The following MERTK variants were observed in gnomAD, a reference collection of about 807,000 sequenced individuals.
MERTK encodes the protein tyrosine-protein kinase Mer.
A neutral mutation model predicts 99.3 loss-of-function variants in MERTK; 69 were observed. The observed-to-expected ratio is 0.70, with a 90% confidence interval of 0.57 to 0.85. The LOEUF is 0.85. MERTK is among the 40% of genes least tolerant of loss of function. The probability of loss-of-function intolerance (pLI) is 0.00; values close to 1 mark genes in which losing one functional copy is unlikely to be tolerated. For missense variants in MERTK, 1,125 were observed against 1,249.4 expected (o/e 0.90, Z 1.50); for synonymous variants, 426 against 467.6 (o/e 0.91, Z 1.15).
intron 18 of MERTK, among the ~76,000 whole-genome samples, chr2:112,023,248 G>A (rs10203902): frequency 0.11 from 16,056 of 151,856 alleles, 1,059 homozygotes; most frequent in African/African-American, 0.19. Flanking sequence ...CCCCGTCTCC[G>A]CTAAAAATAC....
intron 1 of MERTK, among the ~76,000 whole-genome samples, chr2:111,926,335 A>G (rs1684567116): frequency 6.6e-6 from 1 of 152,174 alleles, no homozygotes; most frequent in South Asian, 2.1e-4. Context: ...TTTGGATTAA[A>G]CCCCTAACTC....
intron 2 of MERTK, chr2:111,940,836 A>G: frequency 1.1e-6 from 1 of 925,106 alleles, no homozygotes; most frequent in African/African-American, 1.6e-5. Flanking sequence ...AACGACAGTT[A>G]ACATCTCTGA....
At chr2:111,981,648 A>G (rs1271659782) in intron 7 of MERTK, among the ~76,000 whole-genome samples, 1 of 152,216 alleles carries the variant, frequency 6.6e-6, no homozygotes, top group Admixed American at 6.5e-5. Context: ...TTCAATTTTA[A>G]TAGATATAGT....
intron 1 of MERTK, among the ~76,000 whole-genome samples, chr2:111,910,500 C>A (rs1259132185): frequency 2.0e-5 from 3 of 151,766 alleles, no homozygotes; most frequent in Admixed American, 6.6e-5. Context: ...GAACTCCTGA[C>A]CTCAGGTGAT....
Position 111,898,714 on chromosome 2 carries a change from AT to A in MERTK, c.-20del. 1 of 1,604,382 alleles carries A rather than the reference AT, an allele frequency of 6.2e-7. No homozygotes were observed. On this transcript the variant is annotated 5_prime_UTR_variant, in exon 1 of 19. Transcript: ENST00000295408. ...CATCTGTCCATCCGTCCGGAGAGAA[AT>A]TACAGATCCGCAGCCCCGGGATGGG... is the stretch of plus-strand genomic sequence containing the variant.
chr2:111,965,304 G>A (rs758236553), intron 5 of MERTK, 27 bp downstream of exon 5: 2 of 1,605,646 alleles, frequency 1.2e-6, no homozygotes, highest in Non-Finnish European at 1.7e-6. Flanking sequence ...GGCTCCCCAT[G>A]CATGTTCTGG....
At chr2:111,947,144 G>A (rs1168651681) in intron 3 of MERTK, among the ~76,000 whole-genome samples, 1 of 152,054 alleles carries the variant, frequency 6.6e-6, no homozygotes, top group East Asian at 1.9e-4. Flanking sequence ...CTGGTGGTGT[G>A]CGCCTGTAAT....
Position 112,029,393 on chromosome 2 carries a change from TGAAAGACAG to T in MERTK, c.*530_*538del. ...GGATATGTTGAACTTACTTGAGACT[TGAAAGACAG>T]TGGTCGGCAGCGGCCTTGTGGCCTT... is the stretch of plus-strand genomic sequence containing the variant. On this transcript the variant is annotated 3_prime_UTR_variant, in exon 19 of 19. Transcript: ENST00000295408. The T allele has an allele frequency of 1.1e-6, 1 of 919,946 alleles. No individual in the cohort carries two copies. Among genetic ancestry groups the T allele is most frequent in the Admixed American group, 6.1e-5 (1 of 16,368 alleles). The allele number at this position is 919,946 out of a possible 1,614,324, so 57.0% of individuals were successfully genotyped here.
chr2:111,944,838 C>T lies in MERTK; in HGVS notation c.483-122C>T, dbSNP rs1684935971. 4.8e-6 allele frequency: 4 copies of T among 840,118 alleles called. No individual in the cohort carries two copies. In the Admixed American group the frequency reaches 8.0e-5, roughly 17 times the overall value. The allele number at this position is 840,118 out of a possible 1,614,324, so 52.0% of individuals were successfully genotyped here. Reference sequence around the variant, plus strand: ...CAAACAACTGCGTACAATGGCCTAGCCAAGCTGACATATAAAATTAACTAT... The same window carrying T: ...CAAACAACTGCGTACAATGGCCTAGTCAAGCTGACATATAAAATTAACTAT... On this transcript the variant is annotated intron_variant, in intron 2 of 18. Coordinates refer to ENST00000295408, the MANE Select transcript of MERTK (RefSeq NM_006343.3).
intron 8 of MERTK, among the ~76,000 whole-genome samples, chr2:111,992,669 T>A (rs924534527): frequency 6.7e-6 from 1 of 150,254 alleles, no homozygotes; most frequent in Non-Finnish European, 1.5e-5. Flanking sequence ...GAGAATTGCT[T>A]GAACCTGGGA....
intron 1 of MERTK, among the ~76,000 whole-genome samples, chr2:111,910,752 A>G (rs1413965822): frequency 1.3e-5 from 2 of 152,158 alleles, no homozygotes; most frequent in African/African-American, 4.8e-5. Flanking sequence ...TAAACACCAC[A>G]TGTCCTCACT....
chr2:111,990,005 A>G lies in MERTK; in HGVS notation c.1297-4246A>G, dbSNP rs539311932. On this transcript the variant is annotated intron_variant, in intron 8 of 18. Coordinates refer to ENST00000295408, the MANE Select transcript of MERTK (RefSeq NM_006343.3). ...GTGGCATACACCCCATGACCAGACC[A>G]CCTCATGTCAGAGAAATGTCCCCAA... Among the ~76,000 whole-genome samples, 19 of 152,232 alleles carry G rather than the reference A, an allele frequency of 1.2e-4. No homozygotes were observed. In the South Asian group the frequency reaches 3.7e-3, roughly 30 times the overall value.
intron 6 of MERTK, among the ~76,000 whole-genome samples, chr2:111,969,336 C>T (rs892248218): frequency 2.6e-5 from 4 of 152,144 alleles, no homozygotes; most frequent in African/African-American, 7.2e-5. Context: ...TCAGCTCTTC[C>T]GTCTCAGGAG....
intron 1 of MERTK, among the ~76,000 whole-genome samples, chr2:111,921,198 GGGAAACA>G (rs1684451814): frequency 6.6e-6 from 1 of 152,092 alleles, no homozygotes; most frequent in African/African-American, 2.4e-5. Flanking sequence ...AGAGAGGGTA[GGGAAACA>G]GGGATACCAG....
Position 112,021,686 on chromosome 2 carries a change from CTG to C in MERTK, c.2349+106_2349+107del, listed in dbSNP as rs1677353959. On this transcript the variant is annotated intron_variant, in intron 17 of 18. Transcript: ENST00000295408. ...GCAAGACATTTTACTCTTTGATAAA[CTG>C]AGGGTTGGCAGCTTGCTCAGATCTC... 3 of 1,095,196 alleles carry C rather than the reference CTG, an allele frequency of 2.7e-6. No individual in the cohort carries two copies. In the East Asian group the frequency reaches 7.1e-5, roughly 26 times the overall value. The allele number at this position is 1,095,196 out of a possible 1,614,324, so 67.8% of individuals were successfully genotyped here.
chr2:111,981,699 G>A (rs1465872303), intron 7 of MERTK, among the ~76,000 whole-genome samples: 1 of 151,766 alleles, frequency 6.6e-6, no homozygotes, highest in Non-Finnish European at 1.5e-5. Flanking sequence ...TAATGATCTT[G>A]ACTTGTTTCC....
At chr2:111,918,354 G>GTAATT (rs1474083652) in intron 1 of MERTK, among the ~76,000 whole-genome samples, 2 of 152,198 alleles carry the variant, frequency 1.3e-5, no homozygotes, top group African/African-American at 2.4e-5. Context: ...TTTAGTAATA[G>GTAATT]TAATTTACGT....
At chr2:111,914,608 T>C (rs1045521149) in intron 1 of MERTK, among the ~76,000 whole-genome samples, 6 of 152,240 alleles carry the variant, frequency 3.9e-5, no homozygotes, top group South Asian at 2.1e-4. Flanking sequence ...GGGTTTTTTT[T>C]CCCCCATGAG....
intron 15 of MERTK, among the ~76,000 whole-genome samples, chr2:112,019,101 C>A (rs527725759): frequency 2.0e-5 from 3 of 152,156 alleles, no homozygotes; most frequent in African/African-American, 7.2e-5. Flanking sequence ...GTGCTCTGTC[C>A]CACTCTGAAG....
Sources: gnomAD v4.1 joint callset for allele counts (sites outside exome capture counted in the v4.1 genomes callset) on GRCh38, gnomAD v4.1.1 for gene constraint, MANE v1.5 for transcripts, NCBI Gene and HGNC (gene_info 2026-07-23, HGNC 2026-07-21) for gene names.